PRMT1: variants seen among roughly 807,000 people sequenced by gnomAD.
PRMT1 encodes protein arginine N-methyltransferase 1.
In PRMT1, 5 loss-of-function variants were observed where a neutral mutation model predicts 47.4. That is an observed-to-expected ratio of 0.11 (90% CI 0.06 to 0.22). The LOEUF is 0.22. Ranked by LOEUF, PRMT1 falls within the 10% of genes least tolerant of loss-of-function variation. The probability of loss-of-function intolerance (pLI) is 1.00; values close to 1 mark genes in which losing one functional copy is unlikely to be tolerated. For synonymous variants in PRMT1, 227 were observed against 204.6 expected (o/e 1.11, Z -0.94); for missense variants, 249 against 518.4 (o/e 0.48, Z 5.05).
chr19:49,679,844 A>C (rs771562359), intron 1 of PRMT1, 28 bp from the exon 2 acceptor site: 2 of 1,599,000 alleles, frequency 1.3e-6, no homozygotes, highest in Admixed American at 3.4e-5. Flanking sequence ...CCAGTAGCTA[A>C]TCCTTTTTCC....
rs1437324298 is a variant in PRMT1 at position 49,680,095 on chromosome 19, G to A, written c.90+170G>A. ...CCCCTCCAGGTTCACAGCCCCCGCT[G>A]GCCTCCCCCAGTATCGCCGCTACTT... On this transcript the variant is annotated intron_variant, in intron 2 of 10. Coordinates refer to ENST00000454376, the MANE Select transcript of PRMT1 (RefSeq NM_001536.6). The surrounding 1 kb of genome is among the most constrained non-coding windows in gnomAD (Gnocchi z 4.2). 3 of 1,087,076 alleles carry A rather than the reference G, an allele frequency of 2.8e-6. No homozygotes were observed. In the South Asian group the frequency reaches 4.2e-5, roughly 15 times the overall value. The allele number at this position is 1,087,076 out of a possible 1,614,324, so 67.3% of individuals were successfully genotyped here.
At chr19:49,683,359 A>C (rs182150341) in intron 5 of PRMT1, among the ~76,000 whole-genome samples, 1 of 152,112 alleles carries the variant, frequency 6.6e-6, no homozygotes, top group Non-Finnish European at 1.5e-5. Context: ...GAATGTGATC[A>C]TGCTGTTACT....
Position 49,680,764 on chromosome 19 carries a change from G to A in PRMT1, c.192+176G>A, listed in dbSNP as rs1045239475. Among the ~76,000 whole-genome samples, 2 of 152,392 alleles carry A rather than the reference G, an allele frequency of 1.3e-5. No homozygotes were observed. The highest frequency in any genetic ancestry group is 1.3e-4 in the Admixed American group (2 of 15,310). ...GCCAAGCCGTTGCCTTGGAGACCGA[G>A]GTTAGCCTGAATCTCTGCAGGGGCC... On this transcript the variant is annotated intron_variant, in intron 3 of 10. Transcript: ENST00000454376. The surrounding 1 kb of genome is among the most constrained non-coding windows in gnomAD (Gnocchi z 4.2).
Position 49,684,585 on chromosome 19 carries a change from C to T in PRMT1, c.556-169C>T, listed in dbSNP as rs1479066709. 6.6e-6 allele frequency among the ~76,000 whole-genome samples: 1 copy of T among 152,158 alleles called. No homozygotes were observed. The highest frequency in any genetic ancestry group is 1.5e-5 in the Non-Finnish European group (1 of 68,010). ...AGGGCCGGGAGCTGACTGGGGTGCC[C>T]CTGGGTGCCCTCTGGCGGCCGTGTG... On this transcript the variant is annotated intron_variant, in intron 6 of 10. Transcript: ENST00000454376. This position sits in a 1 kb window ranked among gnomAD's most constrained non-coding sequence, Gnocchi z 6.2.
Position 49,677,325 on chromosome 19 carries a change from T to C in PRMT1, c.36+9T>C. Reference sequence around the variant, plus strand: ...CGAACTGCATCATGGAGGTGAGCGCTTGGAGCGCCGCCGTGGGCGGGAGGC... The same window carrying C: ...CGAACTGCATCATGGAGGTGAGCGCCTGGAGCGCCGCCGTGGGCGGGAGGC... On this transcript the variant is annotated intron_variant, in intron 1 of 10. Transcript: ENST00000454376. 4 of 1,392,764 alleles carry C rather than the reference T, an allele frequency of 2.9e-6. No homozygotes were observed. The highest frequency in any genetic ancestry group is 3.7e-6 in the Non-Finnish European group (4 of 1,068,522). 86.3% of individuals were successfully genotyped at this position (1,392,764 alleles called of 1,614,324 possible).
rs1599940456 is a variant in PRMT1, at chr19:49,680,722, CTT to C, written c.192+135_192+136del. 3.2e-5 allele frequency: 23 copies of C among 723,738 alleles called. No homozygotes were observed. Among genetic ancestry groups the C allele is most frequent in the African/African-American group, 3.5e-5 (2 of 56,610 alleles). The allele number at this position is 723,738 out of a possible 1,614,324, so 44.8% of individuals were successfully genotyped here. A position where few individuals can be genotyped will look rare whatever the true frequency, so the allele number is the denominator to read the frequency against. ...CGCCCCCCTGCCCCTCTGCTGCGCA[CTT>C]CCTAGGGTCGCCTCGCCAAGCCGTT... On this transcript the variant is annotated intron_variant, in intron 3 of 10. Coordinates refer to ENST00000454376, the MANE Select transcript of PRMT1 (RefSeq NM_001536.6). The surrounding 1 kb of genome is among the most constrained non-coding windows in gnomAD (Gnocchi z 4.2).
chr19:49,676,739 T>C (rs2122914824), upstream of PRMT1, among the ~76,000 whole-genome samples: 1 of 152,268 alleles, frequency 6.6e-6, no homozygotes, highest in East Asian at 1.9e-4. Flanking sequence ...AGCCAATCGT[T>C]GGTGCCTGAA....
At chr19:49,678,032 TGG>T (rs1455930226) in intron 1 of PRMT1, among the ~76,000 whole-genome samples, 1 of 151,878 alleles carries the variant, frequency 6.6e-6, no homozygotes, top group Non-Finnish European at 1.5e-5. Context: ...TGGGTGGTGG[TGG>T]GGCATCTAGA....
In PRMT1 at chr19:49,688,402, T is replaced by C; in HGVS notation, c.*157T>C. On this transcript the variant is annotated 3_prime_UTR_variant, in exon 11 of 11. Transcript: ENST00000454376. The surrounding 1 kb of genome is among the most constrained non-coding windows in gnomAD (Gnocchi z 5.3). Reference sequence around the variant, plus strand: ...CATCGTGACTGTGTTTTTCATAACTTATGTTTTTATATGGTTGCATTTACG... The same window carrying C: ...CATCGTGACTGTGTTTTTCATAACTCATGTTTTTATATGGTTGCATTTACG... 1 of 657,696 alleles carries C rather than the reference T, an allele frequency of 1.5e-6. No individual in the cohort carries two copies. Among genetic ancestry groups the C allele is most frequent in the South Asian group, 1.8e-5 (1 of 56,140 alleles). 40.7% of individuals were successfully genotyped at this position (657,696 alleles called of 1,614,324 possible).
intron 10 of PRMT1, among the ~76,000 whole-genome samples, chr19:49,687,280 G>C (rs1412852285): frequency 6.6e-6 from 1 of 152,150 alleles, no homozygotes; most frequent in African/African-American, 2.4e-5. Context: ...GGGGCTTCTC[G>C]GAGACAGGGT....
intron 5 of PRMT1, among the ~76,000 whole-genome samples, chr19:49,682,535 C>T (rs180778742): frequency 3.3e-5 from 5 of 152,322 alleles, no homozygotes; most frequent in African/African-American, 9.6e-5. Context: ...GAGAAGCCTT[C>T]CCTGTTTCCC....
chr19:49,681,946 C>T lies in PRMT1; in HGVS notation c.229C>T (p.Arg77Cys). 1 of 1,614,114 alleles carries T rather than the reference C, an allele frequency of 6.2e-7. No homozygotes were observed. Among genetic ancestry groups the T allele is most frequent in the Non-Finnish European group, 8.5e-7 (1 of 1,180,028 alleles). ...GGACGAGGTGCGCACCCTCACTTAC[C>T]GCAACTCCATGTTTCATAACCGGCA... ...LKDEVRTLTYRNSMFHNRHLF... is the reference protein window; with the variant it reads ...LKDEVRTLTYCNSMFHNRHLF... The change falls in exon 4 of 11, where the codon CGC (arginine) becomes TGC (cysteine). Residue 77 changes from arginine to cysteine, a missense_variant. Around this residue, in one of 2 missense-constraint regions of PRMT1, gnomAD observed 190 missense variants for 456.7 expected, o/e 0.42. Coordinates refer to ENST00000454376, the MANE Select transcript of PRMT1 (RefSeq NM_001536.6). This position sits in a 1 kb window ranked among gnomAD's most constrained non-coding sequence, Gnocchi z 4.4.
chr19:49,678,880 C>G (rs754511232), intron 1 of PRMT1, among the ~76,000 whole-genome samples: 1 of 148,374 alleles, frequency 6.7e-6, no homozygotes, highest in Non-Finnish European at 1.5e-5. Flanking sequence ...CTCCCCAAGC[C>G]ACTTTTTTTT....
In PRMT1 at chr19:49,684,760, G is replaced by A. The variant is rs544334510; in HGVS notation, c.562G>A (p.Asp188Asn). 145 of 1,555,948 alleles carry A rather than the reference G, an allele frequency of 9.3e-5. No individual in the cohort carries two copies. Among genetic ancestry groups the A allele is most frequent in the East Asian group, 4.4e-4 (18 of 41,218 alleles). The change falls in exon 7 of 11, where the codon GAT becomes AAT. Residue 188 changes from aspartate to asparagine, a missense_variant. Physicochemically the swap from Asp to Asn is conservative, Grantham distance 23 (BLOSUM62 1). Transcript: ENST00000454376. The surrounding 1 kb of genome is among the most constrained non-coding windows in gnomAD (Gnocchi z 6.2). ...TCGCCCTGCCCCTCTGTAGGCGCCCGATGGCCTCATCTTCCCAGACCGGGC... is the reference window on the plus strand; with the variant it reads ...TCGCCCTGCCCCTCTGTAGGCGCCCAATGGCCTCATCTTCCCAGACCGGGC... ...LYARDKWLAPDGLIFPDRATL... is the reference protein window; with the variant it reads ...LYARDKWLAPNGLIFPDRATL...
chr19:49,682,095 G>A (rs1300422062), intron 4 of PRMT1, 30 bp downstream of exon 4: 11 of 1,613,596 alleles, frequency 6.8e-6, no homozygotes, highest in East Asian at 4.5e-5. Context: ...AGGCGGGGCC[G>A]GGCCTGAGGG....
Position 49,684,168 on chromosome 19 carries a change from G to A in PRMT1, c.555+99G>A. On this transcript the variant is annotated intron_variant, in intron 6 of 10. Transcript: ENST00000454376. The surrounding 1 kb of genome is among the most constrained non-coding windows in gnomAD (Gnocchi z 6.2). ...TTTCCCACAGACGGGACTTACTGTG[G>A]GGGCTTAGCTGCAAGGTGTTAGAAA... 2.7e-6 allele frequency: 4 copies of A among 1,504,442 alleles called. No individual in the cohort carries two copies. In the South Asian group the frequency reaches 4.9e-5, roughly 18 times the overall value. 93.2% of individuals were successfully genotyped at this position (1,504,442 alleles called of 1,614,324 possible). A position where few individuals can be genotyped will look rare whatever the true frequency, so the allele number is the denominator to read the frequency against.
At chr19:49,686,782 TGGGGG>T in intron 10 of PRMT1, 56 bp downstream of exon 10, 1 of 183,094 alleles carries the variant, frequency 5.5e-6, no homozygotes, top group Non-Finnish European at 7.2e-6. Flanking sequence ...GAGTGTAGAT[TGGGGG>T]GGGAGTGGTG....
chr19:49,686,080 T>A lies in PRMT1; in HGVS notation c.760-13T>A. On this transcript the variant is annotated splice_polypyrimidine_tract_variant and intron_variant, in intron 8 of 10. Coordinates refer to ENST00000454376, the MANE Select transcript of PRMT1 (RefSeq NM_001536.6). Reference sequence around the variant, plus strand: ...GGGACGCATCCCGGAGCTCGCCCTCTCATGTCCTGCAGGAGGTGGACATCT... The same window carrying A: ...GGGACGCATCCCGGAGCTCGCCCTCACATGTCCTGCAGGAGGTGGACATCT... 6.2e-7 allele frequency: 1 copy of A among 1,611,512 alleles called. No individual in the cohort carries two copies. The highest frequency in any genetic ancestry group is 1.1e-5 in the South Asian group (1 of 90,796).
At position 49,684,884 on chromosome 19, in the gene PRMT1, C is replaced by A; in HGVS notation, c.644-38C>A. 6.2e-7 allele frequency: 1 copy of A among 1,607,870 alleles called. No homozygotes were observed. Among genetic ancestry groups the A allele is most frequent in the Non-Finnish European group, 8.5e-7 (1 of 1,175,898 alleles). On this transcript the variant is annotated intron_variant, in intron 7 of 10. Coordinates refer to ENST00000454376, the MANE Select transcript of PRMT1 (RefSeq NM_001536.6). The surrounding 1 kb of genome is among the most constrained non-coding windows in gnomAD (Gnocchi z 6.2). ...GCTGGCGGGCGGGGCCTCGGGTGGG[C>A]TGCTGCGGGCTCACCCCCTCCCTGC...
Sources: allele counts gnomAD v4.1 joint callset (sites outside exome capture counted in the v4.1 genomes callset), GRCh38; gene constraint gnomAD v4.1.1; regional missense constraint gnomAD v4.1.1; non-coding constraint Gnocchi (gnomAD v3.1); transcripts MANE v1.5; gene names NCBI Gene and HGNC (gene_info 2026-07-23, HGNC 2026-07-21).